Variants in TFPI observed in about 807,000 individuals in gnomAD.
TFPI encodes the protein anti-convertin.
A neutral mutation model predicts 34.6 loss-of-function variants in TFPI; 15 were observed. The ratio of observed to expected loss-of-function variants is 0.43; its 90% CI spans 0.29 to 0.67. TFPI has a LOEUF of 0.67. Ranked by LOEUF, TFPI falls within the 30% of genes least tolerant of loss-of-function variation. TFPI has a pLI of 0.15. For synonymous variants in TFPI, 105 were observed against 120.1 expected (o/e 0.87, Z 0.82); for missense variants, 301 against 364.0 (o/e 0.83, Z 1.41).
intron 1 of TFPI, among the ~76,000 whole-genome samples, chr2:187,553,541 A>G (rs1026248114): frequency 6.6e-6 from 1 of 152,210 alleles, no homozygotes; most frequent in African/African-American, 2.4e-5. Flanking sequence ...TAACAGGAAC[A>G]TAACAGTACA....
At chr2:187,503,817 G>T (rs752400538) in intron 1 of TFPI, 47 bp from the exon 2 acceptor site, 1 of 1,596,660 alleles carries the variant, frequency 6.3e-7, no homozygotes, top group Non-Finnish European at 8.6e-7. Context: ...GTGTTAATAT[G>T]CACTCATTTA....
intron 6 of TFPI, among the ~76,000 whole-genome samples, chr2:187,477,265 G>C (rs1255768961): frequency 1.3e-5 from 2 of 152,152 alleles, no homozygotes; most frequent in African/African-American, 4.8e-5. Flanking sequence ...AAAACTTGCT[G>C]GGTGCTGTCC....
chr2:187,486,974 A>G (rs1450036186), intron 4 of TFPI, among the ~76,000 whole-genome samples: 1 of 151,652 alleles, frequency 6.6e-6, no homozygotes, highest in Non-Finnish European at 1.5e-5. Context: ...ATAGGTGTTA[A>G]CATGTAAGCA....
At chr2:187,490,256 G>A (rs1201933911) in intron 3 of TFPI, among the ~76,000 whole-genome samples, 1 of 151,656 alleles carries the variant, frequency 6.6e-6, no homozygotes, top group Non-Finnish European at 1.5e-5. Context: ...TGTGAAGTTG[G>A]TAGAGAGTGT....
At chr2:187,484,776 T>A in intron 5 of TFPI, 35 bp downstream of exon 5, 1 of 1,551,112 alleles carries the variant, frequency 6.4e-7, no homozygotes, top group Non-Finnish European at 8.6e-7. Flanking sequence ...AGGATGCCTA[T>A]AAATGAACTA....
chr2:187,548,094 T>C, intron 1 of TFPI, among the ~76,000 whole-genome samples: 1 of 152,188 alleles, frequency 6.6e-6, no homozygotes, highest in East Asian at 1.9e-4. Context: ...GACAGAGTTA[T>C]ACAGAAAGAA....
At chr2:187,504,933 T>C (rs1686100726) in intron 1 of TFPI, among the ~76,000 whole-genome samples, 1 of 152,098 alleles carries the variant, frequency 6.6e-6, no homozygotes, top group Non-Finnish European at 1.5e-5. Flanking sequence ...ACTAGTGAGA[T>C]ACATAACCTT....
chr2:187,542,371 AAGAAAC>A (rs1688625629), intron 1 of TFPI, among the ~76,000 whole-genome samples: 1 of 151,870 alleles, frequency 6.6e-6, no homozygotes, highest in South Asian at 2.1e-4. Context: ...AGGGGAAACA[AAGAAAC>A]AGAAACAGAG....
chr2:187,550,964 G>A (rs894399361), intron 1 of TFPI, among the ~76,000 whole-genome samples: 1 of 152,082 alleles, frequency 6.6e-6, no homozygotes, highest in Non-Finnish European at 1.5e-5. Context: ...GTCAAGAAGA[G>A]GAGAAGAGAT....
chr2:187,534,015 G>T (rs772123664), intron 1 of TFPI, among the ~76,000 whole-genome samples: 8 of 151,248 alleles, frequency 5.3e-5, no homozygotes, highest in Non-Finnish European at 1.0e-4. Context: ...CAAGATTAGA[G>T]AAAAAAAAGA....
chr2:187,468,086 C>G (rs1691814347), intron 6 of TFPI, among the ~76,000 whole-genome samples, 154 bp from the exon 7 acceptor site: 1 of 151,968 alleles, frequency 6.6e-6, no homozygotes, highest in Admixed American at 6.6e-5. Flanking sequence ...CATTTCAATT[C>G]TAGGAAAATG....
intron 1 of TFPI, among the ~76,000 whole-genome samples, chr2:187,525,419 T>C (rs1559144889): frequency 6.6e-6 from 1 of 152,114 alleles, no homozygotes; most frequent in Non-Finnish European, 1.5e-5. Context: ...AGCTCCTTTC[T>C]TTCTCCCTTC....
At chr2:187,469,716 G>A (rs567123805) in intron 6 of TFPI, among the ~76,000 whole-genome samples, 9 of 152,136 alleles carry the variant, frequency 5.9e-5, no homozygotes, top group African/African-American at 2.2e-4. Flanking sequence ...TATCCTACAT[G>A]CCTGTATTTT....
intron 1 of TFPI, among the ~76,000 whole-genome samples, chr2:187,505,352 T>C (rs1226953350): frequency 1.3e-5 from 2 of 152,138 alleles, no homozygotes; most frequent in Non-Finnish European, 2.9e-5. Flanking sequence ...CTTTAGACTT[T>C]CGTTGGGTGC....
chr2:187,470,838 C>G (rs150004857), intron 6 of TFPI, among the ~76,000 whole-genome samples: 18 of 152,322 alleles, frequency 1.2e-4, no homozygotes, highest in African/African-American at 4.3e-4. Flanking sequence ...TGGCATGCTG[C>G]TTCTGACAGC....
At chr2:187,529,165 C>T (rs946115920) in intron 1 of TFPI, among the ~76,000 whole-genome samples, 4 of 152,200 alleles carry the variant, frequency 2.6e-5, no homozygotes, top group Non-Finnish European at 5.9e-5. Flanking sequence ...GGTAAGAATG[C>T]TGCATCAGAC....
At chr2:187,511,145 C>T (rs906765692) in intron 1 of TFPI, among the ~76,000 whole-genome samples, 7 of 152,124 alleles carry the variant, frequency 4.6e-5, no homozygotes, top group African/African-American at 1.4e-4. Flanking sequence ...GGCAGGCCCC[C>T]GCAGAGGGTC....
At chr2:187,524,396 A>G (rs1363186310) in intron 1 of TFPI, among the ~76,000 whole-genome samples, 1 of 151,942 alleles carries the variant, frequency 6.6e-6, no homozygotes, top group African/African-American at 2.4e-5. Context: ...TTTTTGAATG[A>G]CACTCATCAC....
intron 6 of TFPI, among the ~76,000 whole-genome samples, chr2:187,473,043 C>G (rs1322996153): frequency 6.6e-6 from 1 of 151,958 alleles, no homozygotes; most frequent in Non-Finnish European, 1.5e-5. Flanking sequence ...CATAATTACA[C>G]TGTTATACAC....
Sources: allele counts gnomAD v4.1 joint callset (sites outside exome capture counted in the v4.1 genomes callset), GRCh38; gene constraint gnomAD v4.1.1; transcripts MANE v1.5; gene names NCBI Gene and HGNC (gene_info 2026-07-23, HGNC 2026-07-21).